Variants in CACNG2 observed in about 807,000 individuals in gnomAD.
CACNG2 encodes the protein voltage-dependent calcium channel gamma-2 subunit.
CACNG2 carries 3 observed loss-of-function variants against 25.9 expected under a neutral mutation model. The observed-to-expected ratio is 0.12, with a 90% CI of 0.05 to 0.30. The LOEUF (loss-of-function observed/expected upper bound fraction) is 0.30. CACNG2 is among the 10% of genes least tolerant of loss of function. The pLI is 1.00. For missense variants in CACNG2, 341 were observed against 432.5 expected, an observed-to-expected ratio of 0.79 and a Z score of 1.88; for synonymous variants, 167 against 173.3, an observed-to-expected ratio of 0.96 and a Z score of 0.29.
chr22:36,575,697 T>C (rs1052724645), intron 2 of CACNG2, among the ~76,000 whole-genome samples: 1 of 152,122 alleles, frequency 6.6e-6, no homozygotes, highest in Non-Finnish European at 1.5e-5. Context: ...TCAATGATGG[T>C]CCCGTGCCCA....
chr22:36,613,400 A>C (rs1935975732), intron 1 of CACNG2, among the ~76,000 whole-genome samples: 1 of 152,122 alleles, frequency 6.6e-6, no homozygotes, highest in African/African-American at 2.4e-5. Context: ...GCATCTACAC[A>C]TGCCCCTACA....
At chr22:36,587,606 G>C (rs1603500936) in intron 1 of CACNG2, 58 bp from the exon 2 acceptor site, 12 of 1,167,996 alleles carry the variant, frequency 1.0e-5, no homozygotes. Context: ...GGCGCTTAGG[G>C]CCCACCTGCC....
Position 36,703,253 on chromosome 22 carries a change from G to A in CACNG2, c.-677C>T. The A allele has an allele frequency of 6.3e-6, 1 of 159,144 alleles. No individual in the cohort carries two copies. The highest frequency in any genetic ancestry group is 2.9e-3 in the Middle Eastern group (1 of 346). The allele number at this position is 159,144 out of a possible 1,614,324, so 9.9% of individuals were successfully genotyped here. A position where few individuals can be genotyped will look rare whatever the true frequency, so the allele number is the denominator to read the frequency against. On this transcript the variant is annotated 5_prime_UTR_variant, in exon 1 of 4. Transcript: ENST00000300105. ...TTGCCCGGGCAGCGGCGGCGGCGGC[G>A]GCGGCGGCGGCAGGGCGGGCAGGCG... is the stretch of plus-strand genomic sequence containing the variant.
intron 1 of CACNG2, among the ~76,000 whole-genome samples, chr22:36,691,778 C>T (rs1937270595): frequency 6.6e-6 from 1 of 152,150 alleles, no homozygotes; most frequent in East Asian, 1.9e-4. Context: ...GCATCTAAAA[C>T]AGTGCTTAGC....
Position 36,606,193 on chromosome 22 carries a change from C to T in CACNG2, c.212-18645G>A, listed in dbSNP as rs551007224. ...AAGGGATCAATACAGACGGATTCCC[C>T]GTCCCCCAGAGCTGAGTCTTGAGAG... On this transcript the variant is annotated intron_variant, in intron 1 of 3. Transcript: ENST00000300105. This position sits in a 1 kb window ranked among gnomAD's most constrained non-coding sequence, Gnocchi z 5.7. Among the ~76,000 whole-genome samples, 9 of 152,262 alleles carry T rather than the reference C, an allele frequency of 5.9e-5. No homozygotes were observed. Among genetic ancestry groups the T allele is most frequent in the South Asian group, 2.1e-4 (1 of 4,824 alleles).
At chr22:36,699,615 T>A (rs1298568177) in intron 1 of CACNG2, among the ~76,000 whole-genome samples, 5 of 142,716 alleles carry the variant, frequency 3.5e-5, no homozygotes, top group Non-Finnish European at 7.5e-5. Flanking sequence ...TTTCTCCAGA[T>A]TGGGCAGAAA....
At chr22:36,567,401 A>AT (rs1935143709) in intron 2 of CACNG2, among the ~76,000 whole-genome samples, 4 of 152,224 alleles carry the variant, frequency 2.6e-5, no homozygotes, top group Admixed American at 2.6e-4. Context: ...TGCCAATAGA[A>AT]GCTCATTAAG....
At chr22:36,629,890 G>A (rs904964547) in intron 1 of CACNG2, among the ~76,000 whole-genome samples, 13 of 152,258 alleles carry the variant, frequency 8.5e-5, no homozygotes, top group African/African-American at 1.9e-4. Flanking sequence ...GTGATGTGTC[G>A]CAAAGCCTAC....
At chr22:36,621,359 T>C (rs1936101495) in intron 1 of CACNG2, among the ~76,000 whole-genome samples, 1 of 152,000 alleles carries the variant, frequency 6.6e-6, no homozygotes, top group South Asian at 2.1e-4. Context: ...AATACAAAAA[T>C]TTGAGTTTGA....
chr22:36,672,542 G>C (rs545597061), intron 1 of CACNG2, among the ~76,000 whole-genome samples: 23 of 152,288 alleles, frequency 1.5e-4, no homozygotes, highest in African/African-American at 5.1e-4. Context: ...TGAGGCTTTT[G>C]CTGAGAACAG....
At chr22:36,593,629 G>A (rs115822484) in intron 1 of CACNG2, among the ~76,000 whole-genome samples, 1,736 of 152,208 alleles carry the variant, frequency 0.011, 8 homozygotes, top group Middle Eastern at 0.037. Context: ...AGGTGCCATG[G>A]CAAGGATTTA....
intron 1 of CACNG2, among the ~76,000 whole-genome samples, chr22:36,695,828 C>G (rs1158717516): frequency 1.3e-5 from 2 of 152,226 alleles, no homozygotes; most frequent in South Asian, 4.2e-4. Context: ...GGCAGTGACC[C>G]TGAAGGACGC....
chr22:36,565,681 G>A (rs1393407510), intron 3 of CACNG2, among the ~76,000 whole-genome samples: 2 of 152,140 alleles, frequency 1.3e-5, no homozygotes, highest in Admixed American at 6.5e-5. Flanking sequence ...GCGGTCTTGA[G>A]GCCTCGCTGT....
intron 1 of CACNG2, among the ~76,000 whole-genome samples, chr22:36,675,899 C>A (rs553872595): frequency 2.6e-5 from 4 of 152,360 alleles, no homozygotes; most frequent in African/African-American, 9.6e-5. Flanking sequence ...CACTGTTTGA[C>A]AGGCTCCACC....
At chr22:36,590,341 T>A (rs1389343667) in intron 1 of CACNG2, among the ~76,000 whole-genome samples, 2 of 152,148 alleles carry the variant, frequency 1.3e-5, no homozygotes, top group Admixed American at 1.3e-4. Context: ...CTATTTGACA[T>A]CTCCTGGTGG....
intron 2 of CACNG2, among the ~76,000 whole-genome samples, chr22:36,581,782 C>T (rs1331105645): frequency 1.3e-5 from 2 of 152,182 alleles, no homozygotes; most frequent in Non-Finnish European, 2.9e-5. Context: ...CACCTACGTG[C>T]CAACAACGTG....
At chr22:36,576,934 G>A in intron 2 of CACNG2, among the ~76,000 whole-genome samples, 2 of 152,190 alleles carry the variant, frequency 1.3e-5, no homozygotes, top group South Asian at 4.1e-4. Context: ...CATTTTGAGA[G>A]CCCAGGGAGC....
In CACNG2 at chr22:36,563,692, A is replaced by C. The variant is rs9622416; in HGVS notation, c.*659T>G. Among the ~76,000 whole-genome samples, 38,522 of 151,612 alleles carry C rather than the reference A, an allele frequency of 0.25. 4,999 individuals carry two copies. Among genetic ancestry groups the C allele is most frequent in the Admixed American group, 0.3 (4,534 of 15,270 alleles). The stretch of plus-strand genomic sequence containing the variant: ...CGGCTCGAGCTCTGAGCCTTCCTGG[A>C]GTTCCTGGGGCACCCACCCAGGGGC... On this transcript the variant is annotated 3_prime_UTR_variant, in exon 4 of 4. Transcript: ENST00000300105.
chr22:36,590,929 C>T (rs887923034), intron 1 of CACNG2, among the ~76,000 whole-genome samples: 4 of 152,184 alleles, frequency 2.6e-5, no homozygotes, highest in Non-Finnish European at 1.5e-5. Context: ...GAACTCCCAC[C>T]ACGTCCTCTG....
Sources: allele counts gnomAD v4.1 joint callset (sites outside exome capture counted in the v4.1 genomes callset), GRCh38; gene constraint gnomAD v4.1.1; non-coding constraint Gnocchi (gnomAD v3.1); transcripts MANE v1.5; gene names NCBI Gene and HGNC (gene_info 2026-07-23, HGNC 2026-07-21).